Variants in CDK7 observed in about 807,000 individuals in gnomAD.
The protein encoded by CDK7 is cyclin dependent kinase 7.
CDK7 carries 25 observed loss-of-function variants against 49.1 expected under a neutral mutation model. That is an observed-to-expected ratio of 0.51 (90% CI 0.37 to 0.71). CDK7 has a LOEUF of 0.71. Ranked by LOEUF, CDK7 falls within the 30% of genes least tolerant of loss-of-function variation. The probability of loss-of-function intolerance (pLI) is 0.00; values close to 1 mark genes in which losing one functional copy is unlikely to be tolerated. For missense variants in CDK7, 316 were observed against 411.7 expected, an observed-to-expected ratio of 0.77 and a Z score of 2.01; for synonymous variants, 107 against 140.0, an observed-to-expected ratio of 0.76 and a Z score of 1.67.
rs182840245 is a variant in CDK7, at chr5:69,266,069, A to T, written c.628-3138A>T. Among the ~76,000 whole-genome samples, 25 of 152,240 alleles carry T rather than the reference A, an allele frequency of 1.6e-4. No individual in the cohort carries two copies. In the East Asian group the frequency reaches 4.1e-3, roughly 25 times the overall value. ...GCCACTGCATTCCAGCCTGGGTAACAGGCTGGGGTTCACCTTTAATTGGGC... is the reference window on the plus strand; with the variant it reads ...GCCACTGCATTCCAGCCTGGGTAACTGGCTGGGGTTCACCTTTAATTGGGC... On this transcript the variant is annotated intron_variant, in intron 8 of 11. Transcript: ENST00000256443.
chr5:69,261,488 C>CTG (rs376469145), intron 7 of CDK7, among the ~76,000 whole-genome samples: 15,667 of 120,002 alleles, frequency 0.13, 955 homozygotes, highest in Admixed American at 0.15. Flanking sequence ...TGAAAAGGTT[C>CTG]TCTGTGTGTG....
At chr5:69,253,081 ATTAC>A (rs1750254530) in intron 3 of CDK7, among the ~76,000 whole-genome samples, 1 of 152,170 alleles carries the variant, frequency 6.6e-6, no homozygotes, top group African/African-American at 2.4e-5. Flanking sequence ...TGAGTTTCTA[ATTAC>A]TTTGAAAATT....
At chr5:69,244,565 G>A (rs1159840341) in intron 2 of CDK7, among the ~76,000 whole-genome samples, 3 of 151,302 alleles carry the variant, frequency 2.0e-5, no homozygotes, top group African/African-American at 4.9e-5. Context: ...GAACCTGGGC[G>A]GTGGAGGTTG....
intron 7 of CDK7, among the ~76,000 whole-genome samples, chr5:69,260,936 G>A (rs1487116180): frequency 1.3e-5 from 2 of 152,122 alleles, no homozygotes; most frequent in Non-Finnish European, 2.9e-5. Flanking sequence ...TGCTACCTCA[G>A]CCTTCCAAGT....
At chr5:69,243,837 T>G (rs189910336) in intron 2 of CDK7, among the ~76,000 whole-genome samples, 7 of 127,912 alleles carry the variant, frequency 5.5e-5, no homozygotes, top group South Asian at 2.5e-4. Context: ...TTTTTTTTTT[T>G]TTTTTTTTTT....
At chr5:69,248,767 T>G (rs1163356021) in intron 2 of CDK7, among the ~76,000 whole-genome samples, 1 of 151,618 alleles carries the variant, frequency 6.6e-6, no homozygotes. Context: ...TTAAACCTGC[T>G]TGGTATTCTA....
intron 8 of CDK7, among the ~76,000 whole-genome samples, chr5:69,263,538 T>TA (rs929134803): frequency 2.6e-4 from 39 of 151,880 alleles, no homozygotes; most frequent in Admixed American, 2.1e-3. Context: ...TCTCTTAAAA[T>TA]AAAAAAAAGT....
chr5:69,275,408 A>G (rs1328356786), intron 10 of CDK7, among the ~76,000 whole-genome samples: 1 of 152,122 alleles, frequency 6.6e-6, no homozygotes, highest in Admixed American at 6.6e-5. Flanking sequence ...GCCAACTTGT[A>G]AGTTCTTTTT....
chr5:69,248,048 A>G lies in CDK7; in HGVS notation c.127-4370A>G, dbSNP rs1172752066. 2.0e-5 allele frequency among the ~76,000 whole-genome samples: 3 copies of G among 152,184 alleles called. No homozygotes were observed. In the East Asian group the frequency reaches 5.8e-4, roughly 29 times the overall value. Reference sequence around the variant, plus strand: ...TATTACCAGTGAGTTTTGTACCTTCAGATGATTTCATATTGCTCATTAACG... The same window carrying G: ...TATTACCAGTGAGTTTTGTACCTTCGGATGATTTCATATTGCTCATTAACG... On this transcript the variant is annotated intron_variant, in intron 2 of 11. Transcript: ENST00000256443.
intron 10 of CDK7, among the ~76,000 whole-genome samples, chr5:69,274,431 T>G (rs1443857271): frequency 1.3e-5 from 2 of 152,130 alleles, no homozygotes; most frequent in African/African-American, 4.8e-5. Context: ...GCCCAGGAGT[T>G]GGAGCCCAGC....
chr5:69,262,107 T>G (rs768945090), intron 7 of CDK7, 98 bp from the exon 8 acceptor site: 43 of 1,514,636 alleles, frequency 2.8e-5, no homozygotes, highest in Non-Finnish European at 3.6e-5. Context: ...AGGGATTGCC[T>G]TTAAAAACAG....
chr5:69,249,502 C>T (rs149434154), intron 2 of CDK7, among the ~76,000 whole-genome samples: 15 of 151,894 alleles, frequency 9.9e-5, no homozygotes, highest in Admixed American at 2.0e-4. Context: ...GAGATTGCAC[C>T]ACTGCACTCC....
At chr5:69,267,889 A>G (rs377427522) in intron 8 of CDK7, among the ~76,000 whole-genome samples, 9 of 152,326 alleles carry the variant, frequency 5.9e-5, no homozygotes, top group African/African-American at 1.4e-4. Flanking sequence ...AACAAAAGAT[A>G]ATCCTTTTGG....
At position 69,235,131 on chromosome 5, in the gene CDK7, T is replaced by G. The variant is rs1748865459; in HGVS notation, c.66+90T>G. The G allele has an allele frequency of 1.3e-5, 17 of 1,289,096 alleles. No homozygotes were observed. The South Asian group carries it at 2.0e-4, about 15-fold the overall frequency. 79.9% of individuals were successfully genotyped at this position (1,289,096 alleles called of 1,614,324 possible). On this transcript the variant is annotated intron_variant, in intron 1 of 11. Transcript: ENST00000256443. Reference sequence around the variant, plus strand: ...CGGGTTTTCCCGTGGAGGCCAGAGGTCTGGCTTGGCTGCTCGTTCTCGTTG... The same window carrying G: ...CGGGTTTTCCCGTGGAGGCCAGAGGGCTGGCTTGGCTGCTCGTTCTCGTTG...
rs780862489 is a variant in CDK7, at chr5:69,262,284, T to C, written c.607T>C (p.Leu203=). 1 of 1,614,144 alleles carries C rather than the reference T, an allele frequency of 6.2e-7. No homozygotes were observed. Among genetic ancestry groups the C allele is most frequent in the South Asian group, 1.1e-5 (1 of 91,080 alleles). The change falls in exon 8 of 12, where the codon TTA becomes CTA. Residue 203 remains leucine, a synonymous_variant. Coordinates refer to ENST00000256443, the MANE Select transcript of CDK7 (RefSeq NM_001799.4). ...GVDMWAVGCI[L]AELLLRVPFL... ...GGACATGTGGGCTGTTGGCTGTATA[T>C]TAGCAGAGTTACTTCTAAGGGTAAG...
intron 2 of CDK7, among the ~76,000 whole-genome samples, chr5:69,247,694 T>C (rs530302244): frequency 1.3e-4 from 20 of 152,070 alleles, no homozygotes; most frequent in Non-Finnish European, 2.9e-4. Context: ...GTAAAGGTGA[T>C]TTTCTCTGGT....
At chr5:69,261,825 G>A (rs114594045) in intron 7 of CDK7, among the ~76,000 whole-genome samples, 1,532 of 152,264 alleles carry the variant, frequency 0.01, 34 homozygotes, top group African/African-American at 0.036. Flanking sequence ...CACCACACCC[G>A]GCCTGAAAAG....
chr5:69,254,251 TG>T (rs1346656733), intron 3 of CDK7, among the ~76,000 whole-genome samples: 1 of 151,920 alleles, frequency 6.6e-6, no homozygotes, highest in African/African-American at 2.4e-5. Context: ...TGGCTGGGTG[TG>T]GTGGCTCACG....
chr5:69,273,010 T>C lies in CDK7; in HGVS notation c.833T>C (p.Phe278Ser). Reference protein sequence around the residue: ...LLDLIQGLFLFNPCARITATQ... With the variant: ...LLDLIQGLFLSNPCARITATQ... The stretch of plus-strand genomic sequence containing the variant: ...GATCTCATACAAGGCTTATTCTTAT[T>C]TAATCCATGTGCTCGAATTACGGCC... The change falls in exon 10 of 12, where the codon TTT becomes TCT. Residue 278 changes from phenylalanine (F) to serine (S), a missense_variant. Coordinates refer to ENST00000256443, the MANE Select transcript of CDK7 (RefSeq NM_001799.4). 1 of 1,574,928 alleles carries C rather than the reference T, an allele frequency of 6.3e-7. No individual in the cohort carries two copies. Among genetic ancestry groups the C allele is most frequent in the Non-Finnish European group, 8.6e-7 (1 of 1,156,696 alleles).
Sources: gnomAD v4.1 joint callset for allele counts (sites outside exome capture counted in the v4.1 genomes callset) on GRCh38, gnomAD v4.1.1 for gene constraint, MANE v1.5 for transcripts, NCBI Gene and HGNC (gene_info 2026-07-23, HGNC 2026-07-21) for gene names.